The following NISCH variants were observed in gnomAD, a reference collection of about 807,000 sequenced individuals.
NISCH encodes I-1 receptor candidate protein.
A neutral mutation model predicts 138.4 loss-of-function variants in NISCH; 55 were observed. That is an observed-to-expected ratio of 0.40 (90% CI 0.32 to 0.50). NISCH has a LOEUF of 0.50. Ranked by LOEUF, NISCH falls within the 20% of genes least tolerant of loss-of-function variation. The pLI, the probability that NISCH is intolerant of heterozygous loss-of-function variation, is 0.71. For missense variants in NISCH, 1,643 were observed against 2,005.5 expected (o/e 0.82, Z 3.45); for synonymous variants, 860 against 861.5 (o/e 1.00, Z 0.03).
At chr3:52,466,093 A>C (rs1706772278) in intron 3 of NISCH, among the ~76,000 whole-genome samples, 2 of 152,208 alleles carry the variant, frequency 1.3e-5, no homozygotes, top group African/African-American at 4.8e-5. Context: ...AATTTGTTTT[A>C]GTTGCAAAGT....
intron 1 of NISCH, among the ~76,000 whole-genome samples, 175 bp downstream of exon 1, chr3:52,455,909 G>A (rs568105203): frequency 2.0e-3 from 299 of 151,784 alleles, no homozygotes; most frequent in Non-Finnish European, 3.3e-3. Flanking sequence ...GGCCCCGCAG[G>A]TCCGGGAGAA....
In NISCH at chr3:52,479,099, T is replaced by C. The variant is rs1707189954; in HGVS notation, c.1302+522T>C. On this transcript the variant is annotated intron_variant, in intron 11 of 20. Transcript: ENST00000345716. ...GAAGTCTATTTGTGTCCCACCTCCC[T>C]CTTTGTGGCCGCAAGTGCCCCTTCC... Among the ~76,000 whole-genome samples the C allele has an allele frequency of 2.6e-5, 4 of 152,258 alleles. No homozygotes were observed. In the South Asian group the frequency reaches 8.3e-4, roughly 32 times the overall value.
chr3:52,484,462 T>TGGGGGGC, intron 13 of NISCH, 51 bp from the exon 14 acceptor site: 4 of 788,668 alleles, frequency 5.1e-6, no homozygotes, highest in Non-Finnish European at 7.3e-6. Flanking sequence ...ACAGCCGCTC[T>TGGGGGGC]CCCCGCCCCA....
intron 11 of NISCH, among the ~76,000 whole-genome samples, chr3:52,479,317 C>G (rs886288709): frequency 2.0e-5 from 3 of 152,158 alleles, no homozygotes; most frequent in Admixed American, 6.5e-5. Flanking sequence ...GGGCCCTGCC[C>G]TCTCCTGCCG....
At position 52,485,858 on chromosome 3, in the gene NISCH, C is replaced by G. The variant is rs565224732; in HGVS notation, c.1703+31C>G. ...GAAGAGGTTGGAAAGGGACCTGGGC[C>G]TGGCCACACAGCCTTATGCACACAC... On this transcript the variant is annotated intron_variant, in intron 15 of 20. Transcript: ENST00000345716. 2.9e-5 allele frequency: 46 copies of G among 1,561,190 alleles called. No homozygotes were observed. In the Admixed American group the frequency reaches 8.3e-4, roughly 28 times the overall value.
rs567042242 is a variant in NISCH at position 52,488,576 on chromosome 3, G to A, written c.3084G>A (p.Ala1028=). ...GTGGSPQGSF[A]DGQPAERRAS... is the part of the protein sequence containing the mutation. Reference sequence around the variant, plus strand: ...GAGGCAGCCCCCAGGGCTCCTTTGCGGATGGCCAGCCTGCCGAGCGCAGGG... The same window carrying A: ...GAGGCAGCCCCCAGGGCTCCTTTGCAGATGGCCAGCCTGCCGAGCGCAGGG... The change falls in exon 16 of 21, where the codon GCG becomes GCA. Residue 1028 remains alanine, a synonymous_variant. Transcript: ENST00000345716. The A allele has an allele frequency of 8.0e-5, 129 of 1,611,826 alleles. No individual in the cohort carries two copies. The East Asian group carries it at 2.3e-3, about 29-fold the overall frequency.
At chr3:52,466,054 A>C (rs1706770814) in intron 3 of NISCH, among the ~76,000 whole-genome samples, 1 of 152,262 alleles carries the variant, frequency 6.6e-6, no homozygotes, top group Non-Finnish European at 1.5e-5. Flanking sequence ...CAATCTTAGC[A>C]TTGGCTTTAG....
rs1174229797 is a variant in NISCH, at chr3:52,489,618, G to A, written c.3396G>A (p.Arg1132=). 12 of 1,613,044 alleles carry A rather than the reference G, an allele frequency of 7.4e-6. No individual in the cohort carries two copies. Among genetic ancestry groups the A allele is most frequent in the Non-Finnish European group, 1.0e-5 (12 of 1,179,954 alleles). The change falls in exon 17 of 21, where the codon CGG becomes CGA. Residue 1132 remains arginine, a synonymous_variant. Coordinates refer to ENST00000345716, the MANE Select transcript of NISCH (RefSeq NM_007184.4). ...ACTTGCCTGCCTGCCCGTCGCTCCGGCACGTCGCCAGCCTGCGGGGCAGCG... is the reference window on the plus strand; with the variant it reads ...ACTTGCCTGCCTGCCCGTCGCTCCGACACGTCGCCAGCCTGCGGGGCAGCG... ...PSHLPACPSL[R]HVASLRGSAI... is the part of the protein sequence containing the mutation.
rs371082984 is a variant in NISCH at position 52,487,520 on chromosome 3, G to T, written c.2028G>T (p.Glu676Asp). The T allele has an allele frequency of 6.2e-7, 1 of 1,603,530 alleles. No individual in the cohort carries two copies. Among genetic ancestry groups the T allele is most frequent in the Non-Finnish European group, 8.5e-7 (1 of 1,172,272 alleles). ...EGGGQGEEEE[E>D]EEEDEEAEEE... ...GAGGCCAGGGGGAGGAAGAGGAGGAGGAAGAGGAGGATGAAGAGGCCGAGG... is the reference window on the plus strand; with the variant it reads ...GAGGCCAGGGGGAGGAAGAGGAGGATGAAGAGGAGGATGAAGAGGCCGAGG... The change falls in exon 16 of 21, where the codon GAG becomes GAT. Residue 676 changes from glutamate (E) to aspartate (D), a missense_variant. Glu to Asp is a conservative substitution (Grantham distance 45). Coordinates refer to ENST00000345716, the MANE Select transcript of NISCH (RefSeq NM_007184.4). This position sits in a 1 kb window ranked among gnomAD's most constrained non-coding sequence, Gnocchi z 9.1.
intron 3 of NISCH, among the ~76,000 whole-genome samples, chr3:52,468,495 C>T (rs1015410969): frequency 1.3e-5 from 2 of 152,046 alleles, no homozygotes; most frequent in African/African-American, 2.4e-5. Context: ...CAAAACCATC[C>T]GTGGAGGCTC....
intron 13 of NISCH, 89 bp from the exon 14 acceptor site, chr3:52,484,424 G>C: frequency 2.2e-6 from 3 of 1,344,910 alleles, no homozygotes; most frequent in Non-Finnish European, 3.1e-6. Flanking sequence ...CATGCCAGTA[G>C]CCTGAGGGGC....
chr3:52,482,279 GC>G (rs2153231519), intron 13 of NISCH, among the ~76,000 whole-genome samples: 1 of 152,318 alleles, frequency 6.6e-6, no homozygotes, highest in East Asian at 1.9e-4. Context: ...AAGGGAGCCT[GC>G]TTGCGAAGGA....
At chr3:52,483,752 C>T (rs948188902) in intron 13 of NISCH, among the ~76,000 whole-genome samples, 1 of 152,222 alleles carries the variant, frequency 6.6e-6, no homozygotes, top group African/African-American at 2.4e-5. Flanking sequence ...ATGAGTCCTG[C>T]AGAGATGACA....
chr3:52,480,405 GAC>G (rs768393929), intron 13 of NISCH, 110 bp downstream of exon 13: 20 of 1,554,380 alleles, frequency 1.3e-5, no homozygotes, highest in Non-Finnish European at 1.7e-5. Flanking sequence ...AACAGGGTCA[GAC>G]ACAGGGAGGG....
chr3:52,480,980 G>A, intron 13 of NISCH: 1 of 1,465,124 alleles, frequency 6.8e-7, no homozygotes, highest in Non-Finnish European at 9.0e-7. Context: ...TGGAGCCGAG[G>A]CTCGGGACAC....
At position 52,487,690 on chromosome 3, in the gene NISCH, A is replaced by G; in HGVS notation, c.2198A>G (p.Asp733Gly). 6.2e-7 allele frequency: 1 copy of G among 1,613,442 alleles called. No individual in the cohort carries two copies. Among genetic ancestry groups the G allele is most frequent in the South Asian group, 1.1e-5 (1 of 91,052 alleles). ...TTCGCCGCCTGCCTTGTGCTCACCG[A>G]CTTCGGCATCGCAGTCTTCGAGATC... ...RQFAACLVLTDFGIAVFEIPH... is the reference protein window; with the variant it reads ...RQFAACLVLTGFGIAVFEIPH... Residue 733 changes from aspartate to glycine, a missense_variant, in exon 16 of 21, where the codon GAC (aspartate) becomes GGC (glycine). Physicochemically the swap from Asp to Gly is moderately conservative, Grantham distance 94. Transcript: ENST00000345716. This position sits in a 1 kb window ranked among gnomAD's most constrained non-coding sequence, Gnocchi z 9.1.
intron 1 of NISCH, among the ~76,000 whole-genome samples, chr3:52,457,314 T>G (rs889821499): frequency 2.0e-5 from 3 of 152,352 alleles, no homozygotes; most frequent in African/African-American, 7.2e-5. Flanking sequence ...GTGCCTTGAT[T>G]CCTGGCTCAG....
In NISCH at chr3:52,487,656, A is replaced by G. The variant is rs1406366095; in HGVS notation, c.2164A>G (p.Ile722Val). The change falls in exon 16 of 21, where the codon ATC becomes GTC. Residue 722 changes from isoleucine (I) to valine (V), a missense_variant. Transcript: ENST00000345716. This position sits in a 1 kb window ranked among gnomAD's most constrained non-coding sequence, Gnocchi z 9.1. The stretch of plus-strand genomic sequence containing the variant: ...CTTCCTGATCCATGTGCAGGGCAGT[A>G]TCCGCCAGTTCGCCGCCTGCCTTGT... Reference protein sequence around the residue: ...WCFLIHVQGSIRQFAACLVLT... With the variant: ...WCFLIHVQGSVRQFAACLVLT... 2 of 1,613,650 alleles carry G rather than the reference A, an allele frequency of 1.2e-6. No individual in the cohort carries two copies. The highest frequency in any genetic ancestry group is 1.3e-5 in the African/African-American group (1 of 74,880).
rs200373254 is a variant in NISCH, at chr3:52,478,461, C to T, written c.1186C>T (p.Arg396Trp). ...DNRIEQMEEV[R>W]SIGSLPCLEH... ...TCATACCTTGCAGATGGAGGAGGTC[C>T]GGAGCATAGGCAGCCTCCCGTGTCT... is the stretch of plus-strand genomic sequence containing the variant. The change falls in exon 11 of 21, where the codon CGG becomes TGG. Residue 396 changes from arginine (R) to tryptophan (W), a missense_variant. Physicochemically the swap from Arg to Trp is moderately radical, Grantham distance 101. Transcript: ENST00000345716. 717 of 1,614,158 alleles carry T rather than the reference C, an allele frequency of 4.4e-4. 3 individuals are homozygous for T. The highest frequency in any genetic ancestry group is 5.1e-4 in the Non-Finnish European group (603 of 1,180,022).
Sources: allele counts gnomAD v4.1 joint callset (sites outside exome capture counted in the v4.1 genomes callset), GRCh38; gene constraint gnomAD v4.1.1; non-coding constraint Gnocchi (gnomAD v3.1); transcripts MANE v1.5; gene names NCBI Gene and HGNC (gene_info 2026-07-23, HGNC 2026-07-21).